GABRB2: variants seen among roughly 807,000 people sequenced by gnomAD.
The protein encoded by GABRB2 is gamma-aminobutyric acid receptor subunit beta-2.
Under a neutral mutation model 54.7 loss-of-function variants are expected in GABRB2, and 16 were observed. The ratio of observed to expected loss-of-function variants is 0.29; its 90% CI spans 0.20 to 0.44. The LOEUF (loss-of-function observed/expected upper bound fraction) is 0.44. Among genes scored for constraint, GABRB2 ranks in the 20% least tolerant of loss-of-function variants. The pLI, the probability that GABRB2 is intolerant of heterozygous loss-of-function variation, is 1.00. For synonymous variants in GABRB2, 244 were observed against 233.8 expected (o/e 1.04, Z -0.40); for missense variants, 355 against 644.0 (o/e 0.55, Z 4.86).
chr5:161,504,121 C>T (rs1759530693), intron 3 of GABRB2, among the ~76,000 whole-genome samples: 1 of 152,062 alleles, frequency 6.6e-6, no homozygotes, highest in Non-Finnish European at 1.5e-5. Flanking sequence ...ATTTTAACAA[C>T]TATCTCTCAG....
chr5:161,302,929 A>G (rs950435907), intron 9 of GABRB2, among the ~76,000 whole-genome samples: 1 of 152,228 alleles, frequency 6.6e-6, no homozygotes, highest in Non-Finnish European at 1.5e-5. Flanking sequence ...ACCAACAAAA[A>G]TTGGGAGTTT....
intron 3 of GABRB2, among the ~76,000 whole-genome samples, chr5:161,475,841 TATC>T (rs1479354812): frequency 2.6e-5 from 4 of 151,934 alleles, no homozygotes; most frequent in African/African-American, 9.7e-5. Context: ...CCATAGCTAA[TATC>T]ATACTCCATA....
rs535340558 is a variant in GABRB2, at chr5:161,356,036, G to C, written c.542-19267C>G. ...TTAGAGGGCACAGGGGTGGATATGT[G>C]GTTTTAGGAAATAAAAGGAGCAAGG... On this transcript the variant is annotated intron_variant, in intron 5 of 9. Coordinates refer to ENST00000393959, the MANE Select transcript of GABRB2 (RefSeq NM_001371727.1). 4.9e-4 allele frequency among the ~76,000 whole-genome samples: 74 copies of C among 152,138 alleles called. No homozygotes were observed. The South Asian group carries it at 5.6e-3, about 12-fold the overall frequency.
At chr5:161,304,759 A>C (rs1305180854) in intron 9 of GABRB2, among the ~76,000 whole-genome samples, 5 of 152,072 alleles carry the variant, frequency 3.3e-5, no homozygotes, top group African/African-American at 1.2e-4. Flanking sequence ...AGAACAGTAC[A>C]TTCGAATTGT....
At chr5:161,468,641 C>T (rs976579080) in intron 3 of GABRB2, among the ~76,000 whole-genome samples, 1 of 151,832 alleles carries the variant, frequency 6.6e-6, no homozygotes, top group Non-Finnish European at 1.5e-5. Context: ...ATTTTCATGT[C>T]GCCCAACTAG....
intron 3 of GABRB2, among the ~76,000 whole-genome samples, chr5:161,477,505 T>A (rs1327878766): frequency 6.6e-6 from 1 of 151,962 alleles, no homozygotes; most frequent in South Asian, 2.1e-4. Context: ...GATAGTTGCA[T>A]ATCCACGTTC....
At chr5:161,531,924 C>T (rs1760476330) in intron 3 of GABRB2, among the ~76,000 whole-genome samples, 1 of 152,022 alleles carries the variant, frequency 6.6e-6, no homozygotes, top group Admixed American at 6.6e-5. Flanking sequence ...CAGCATGTGA[C>T]CTTGGACAAG....
chr5:161,296,887 G>A (rs1246719798), intron 9 of GABRB2, among the ~76,000 whole-genome samples: 1 of 152,094 alleles, frequency 6.6e-6, no homozygotes, highest in Non-Finnish European at 1.5e-5. Flanking sequence ...AGTTTCTTCT[G>A]TGGACTAAGA....
chr5:161,442,943 G>T (rs1757509092), intron 4 of GABRB2, among the ~76,000 whole-genome samples: 1 of 152,070 alleles, frequency 6.6e-6, no homozygotes, highest in Non-Finnish European at 1.5e-5. Flanking sequence ...GCCACATTTT[G>T]AAGCACAGAG....
At chr5:161,344,414 A>G (rs1754257856) in intron 5 of GABRB2, among the ~76,000 whole-genome samples, 1 of 151,956 alleles carries the variant, frequency 6.6e-6, no homozygotes, top group African/African-American at 2.4e-5. Context: ...CTGGCATTGG[A>G]TTTCTGCATC....
At chr5:161,337,675 C>A (rs1353227008) in intron 5 of GABRB2, among the ~76,000 whole-genome samples, 2 of 151,942 alleles carry the variant, frequency 1.3e-5, no homozygotes, top group African/African-American at 4.8e-5. Context: ...AGCTAGTAAG[C>A]AAACATATAA....
Position 161,291,239 on chromosome 5 carries a change from C to G in GABRB2, c.*2842G>C, listed in dbSNP as rs1757229936. On this transcript the variant is annotated 3_prime_UTR_variant, in exon 10 of 10. Coordinates refer to ENST00000393959, the MANE Select transcript of GABRB2 (RefSeq NM_001371727.1). ...CAAAGATGAAAAAACACCTTAATTG[C>G]TGGCTATCTGGCTGTTTATAATTAA... 6.6e-6 allele frequency: 1 copy of G among 152,406 alleles called. No individual in the cohort carries two copies. The highest frequency in any genetic ancestry group is 1.5e-5 in the Non-Finnish European group (1 of 67,998). The allele number at this position is 152,406 out of a possible 1,614,324, so 9.4% of individuals were successfully genotyped here.
intron 3 of GABRB2, among the ~76,000 whole-genome samples, chr5:161,475,632 C>T (rs1243607428): frequency 6.6e-6 from 1 of 151,810 alleles, no homozygotes; most frequent in Admixed American, 6.6e-5. Context: ...AGAATTTATT[C>T]CTGGAATGCA....
chr5:161,307,772 C>A (rs1757733866), intron 9 of GABRB2, among the ~76,000 whole-genome samples: 1 of 151,884 alleles, frequency 6.6e-6, no homozygotes, highest in South Asian at 2.1e-4. Flanking sequence ...ACAAAAGGTA[C>A]CCATTGCTAT....
chr5:161,453,223 T>C (rs529709012), intron 4 of GABRB2, among the ~76,000 whole-genome samples: 1 of 152,324 alleles, frequency 6.6e-6, no homozygotes, highest in South Asian at 2.1e-4. Context: ...TATCTAGCCA[T>C]ATCTCTTGAT....
chr5:161,503,281 T>A (rs1431830120), intron 3 of GABRB2, among the ~76,000 whole-genome samples: 2 of 151,336 alleles, frequency 1.3e-5, no homozygotes, highest in Admixed American at 1.3e-4. Flanking sequence ...TTTTTAAAAA[T>A]CAAGTAGAAA....
At chr5:161,372,274 C>A (rs916059082) in intron 5 of GABRB2, among the ~76,000 whole-genome samples, 1 of 152,164 alleles carries the variant, frequency 6.6e-6, no homozygotes, top group African/African-American at 2.4e-5. Context: ...GGGGCTGCAT[C>A]CCTGAAAAGG....
chr5:161,377,253 C>T lies in GABRB2; in HGVS notation c.541+33722G>A, dbSNP rs560379833. On this transcript the variant is annotated intron_variant, in intron 5 of 9. Transcript: ENST00000393959. ...CAGGCTGACACTCATGTGGAATCAG[C>T]TTTTGTAGCCCAGCAGCATTTTGTA... 2.0e-5 allele frequency among the ~76,000 whole-genome samples: 3 copies of T among 152,202 alleles called. No individual in the cohort carries two copies. The East Asian group carries it at 5.8e-4, about 29-fold the overall frequency.
intron 5 of GABRB2, among the ~76,000 whole-genome samples, chr5:161,385,528 T>C (rs759402193): frequency 1.3e-5 from 2 of 152,172 alleles, no homozygotes; most frequent in African/African-American, 4.8e-5. Flanking sequence ...GGTAGAGAAA[T>C]GGGAGCTAGA....
Sources: allele counts gnomAD v4.1 joint callset (sites outside exome capture counted in the v4.1 genomes callset), GRCh38; gene constraint gnomAD v4.1.1; transcripts MANE v1.5; gene names NCBI Gene and HGNC (gene_info 2026-07-23, HGNC 2026-07-21).